The following GNG7 variants were observed in gnomAD, a reference collection of about 807,000 sequenced individuals.
The protein encoded by GNG7 is guanine nucleotide-binding protein G(I)/G(S)/G(O) subunit gamma-7.
Under a neutral mutation model 4.0 loss-of-function variants are expected in GNG7, and 1 was observed. The ratio of observed to expected loss-of-function variants is 0.25; its 90% CI spans 0.09 to 1.18. The LOEUF (loss-of-function observed/expected upper bound fraction) is 1.18, where lower values mean the gene tolerates loss of function less well. Among genes scored for constraint, GNG7 ranks in the 50% most tolerant of loss-of-function variants. The probability of loss-of-function intolerance (pLI) is 0.50; values close to 1 mark genes in which losing one functional copy is unlikely to be tolerated. For missense variants in GNG7, 86 were observed against 91.9 expected (o/e 0.94, Z 0.26); for synonymous variants, 34 against 36.9 (o/e 0.92, Z 0.29).
intron 2 of GNG7, among the ~76,000 whole-genome samples, chr19:2,568,161 A>G (rs112844821): frequency 7.3e-6 from 1 of 137,762 alleles, no homozygotes; most frequent in Non-Finnish European, 1.5e-5. Flanking sequence ...ACACATACAC[A>G]TACATACACA....
Position 2,515,143 on chromosome 19 carries a change from G to C in GNG7, c.86C>G (p.Ser29Cys). The C allele has an allele frequency of 6.2e-7, 1 of 1,613,854 alleles. No homozygotes were observed. ...GCTCATGAGGTCAGACGCCGCTTTG[G>C]AGACCTGTGTTTGAGCACAAGGAGG... Reference protein sequence around the residue: ...IEAGIERIKVSKAASDLMSYC... With the variant: ...IEAGIERIKVCKAASDLMSYC... Residue 29 changes from serine (S) to cysteine (C), a missense_variant, in exon 5 of 5, where the codon TCC (serine) becomes TGC (cysteine). Physicochemically the swap from Ser to Cys is moderately radical, Grantham distance 112. Coordinates refer to ENST00000382159, the MANE Select transcript of GNG7 (RefSeq NM_052847.3).
chr19:2,699,400 C>T (rs1488387253), intron 1 of GNG7, among the ~76,000 whole-genome samples: 2 of 152,130 alleles, frequency 1.3e-5, no homozygotes, highest in Admixed American at 6.5e-5. Flanking sequence ...CCACCCACTT[C>T]GGCCTCCCAA....
chr19:2,516,317 C>T (rs185685740), intron 4 of GNG7, among the ~76,000 whole-genome samples: 29 of 152,022 alleles, frequency 1.9e-4, no homozygotes, highest in African/African-American at 1.9e-4. Flanking sequence ...TCTTGCTCCC[C>T]GGGTTCAAGC....
chr19:2,586,488 C>T lies in GNG7; in HGVS notation c.-77-31300G>A, dbSNP rs1599406702. ...CGGGCCCAGACAAGCTGCTGGTGAC[C>T]TCGGTCCCCCAAGAGCTCAGCTGAG... On this transcript the variant is annotated intron_variant, in intron 2 of 4. Transcript: ENST00000382159. 3.3e-5 allele frequency among the ~76,000 whole-genome samples: 5 copies of T among 152,284 alleles called. No homozygotes were observed. The South Asian group carries it at 1.0e-3, about 32-fold the overall frequency.
chr19:2,659,415 C>G (rs1252461129), intron 1 of GNG7, among the ~76,000 whole-genome samples: 5 of 150,522 alleles, frequency 3.3e-5, no homozygotes, highest in Admixed American at 1.3e-4. Flanking sequence ...CATGGCAAAA[C>G]TCCATCTCTA....
intron 2 of GNG7, among the ~76,000 whole-genome samples, chr19:2,604,464 C>T (rs570051812): frequency 8.2e-6 from 1 of 121,578 alleles, no homozygotes; most frequent in African/African-American, 3.4e-5. Flanking sequence ...GAGCAAGACC[C>T]TGCTTCAAAA....
intron 2 of GNG7, chr19:2,630,684 A>G (rs1472963002): frequency 6.6e-6 from 1 of 151,810 alleles, no homozygotes; most frequent in Non-Finnish European, 1.5e-5. Flanking sequence ...AAACCTTCGG[A>G]TGAGAATGCA....
intron 2 of GNG7, among the ~76,000 whole-genome samples, chr19:2,603,681 C>CTG (rs1981284092): frequency 6.6e-6 from 1 of 152,162 alleles, no homozygotes; most frequent in Non-Finnish European, 1.5e-5. Context: ...GAAGCCCCTG[C>CTG]AGCTAGGAGG....
Position 2,609,876 on chromosome 19 carries a change from G to A in GNG7, c.-78+36348C>T, listed in dbSNP as rs1479248431. On this transcript the variant is annotated intron_variant, in intron 2 of 4. Coordinates refer to ENST00000382159, the MANE Select transcript of GNG7 (RefSeq NM_052847.3). This position sits in a 1 kb window ranked among gnomAD's most constrained non-coding sequence, Gnocchi z 4.4. Reference sequence around the variant, plus strand: ...CCAGTGAACTCAGTGCACTTCTGGAGCTCCCTGACCACGAGTGAGGAAATT... The same window carrying A: ...CCAGTGAACTCAGTGCACTTCTGGAACTCCCTGACCACGAGTGAGGAAATT... Among the ~76,000 whole-genome samples the A allele has an allele frequency of 1.3e-5, 2 of 152,136 alleles. No homozygotes were observed. Among genetic ancestry groups the A allele is most frequent in the Non-Finnish European group, 2.9e-5 (2 of 68,024 alleles).
intron 2 of GNG7, among the ~76,000 whole-genome samples, chr19:2,568,401 C>CAT (rs1555694497): frequency 0.45 from 67,422 of 150,744 alleles, 15,283 homozygotes; most frequent in Admixed American, 0.55. Context: ...CACAAACACA[C>CAT]ACACATATAC....
At position 2,636,823 on chromosome 19, in the gene GNG7, G is replaced by T. The variant is rs548141025; in HGVS notation, c.-78+9401C>A. Reference sequence around the variant, plus strand: ...GGGGGTAGTGACAGAGCTTAAAGAGGGGCTCGGGGGTGACTGAAGACATCT... The same window carrying T: ...GGGGGTAGTGACAGAGCTTAAAGAGTGGCTCGGGGGTGACTGAAGACATCT... On this transcript the variant is annotated intron_variant, in intron 2 of 4. Transcript: ENST00000382159. Among the ~76,000 whole-genome samples, 9 of 152,176 alleles carry T rather than the reference G, an allele frequency of 5.9e-5. No homozygotes were observed. The South Asian group carries it at 1.9e-3, about 32-fold the overall frequency.
chr19:2,640,519 T>C (rs1469498937), intron 2 of GNG7, among the ~76,000 whole-genome samples: 1 of 152,156 alleles, frequency 6.6e-6, no homozygotes, highest in East Asian at 1.9e-4. Flanking sequence ...GTGAATGTAA[T>C]TCACGAAAAT....
chr19:2,515,648 G>A (rs1056392532), intron 4 of GNG7, among the ~76,000 whole-genome samples: 1 of 151,686 alleles, frequency 6.6e-6, no homozygotes, highest in African/African-American at 2.4e-5. Flanking sequence ...GGCTGGTCTC[G>A]AACTCCTGAC....
chr19:2,585,903 T>C (rs972610580), intron 2 of GNG7, among the ~76,000 whole-genome samples: 8 of 152,278 alleles, frequency 5.3e-5, no homozygotes, highest in East Asian at 1.9e-4. Context: ...GGTTTCACCA[T>C]GTTGGCCAGG....
chr19:2,673,736 G>T (rs1012481001), intron 1 of GNG7, among the ~76,000 whole-genome samples: 16 of 151,492 alleles, frequency 1.1e-4, no homozygotes, highest in Non-Finnish European at 2.1e-4. Context: ...AAAATAAAAT[G>T]TAAATAAAGT....
intron 3 of GNG7, among the ~76,000 whole-genome samples, chr19:2,553,500 A>G (rs933735079): frequency 1.4e-4 from 20 of 147,818 alleles, no homozygotes; most frequent in African/African-American, 4.9e-4. Context: ...TTTTATATGT[A>G]CATCTCATTA....
intron 1 of GNG7, among the ~76,000 whole-genome samples, chr19:2,699,429 G>A (rs374744280): frequency 1.3e-5 from 2 of 152,094 alleles, no homozygotes; most frequent in Non-Finnish European, 2.9e-5. Context: ...GATTACAGGC[G>A]TGAGCCACCG....
chr19:2,534,311 A>C (rs1187722588), intron 3 of GNG7, among the ~76,000 whole-genome samples: 1 of 151,554 alleles, frequency 6.6e-6, no homozygotes, highest in Non-Finnish European at 1.5e-5. Context: ...CCTCCGCTCC[A>C]CTCCCCACTC....
rs368000455 is a variant in GNG7, at chr19:2,553,611, T to C, written c.-38+1538A>G. Among the ~76,000 whole-genome samples the C allele has an allele frequency of 2.0e-5, 3 of 148,558 alleles. 1 individual carries two copies. Among genetic ancestry groups the C allele is most frequent in the Non-Finnish European group, 4.5e-5 (3 of 67,218 alleles). On this transcript the variant is annotated intron_variant, in intron 3 of 4. Coordinates refer to ENST00000382159, the MANE Select transcript of GNG7 (RefSeq NM_052847.3). ...CGCACATATTACATGCAATATATCA[T>C]ACTACATACATGCACACGTTACATG...
Sources: gnomAD v4.1 joint callset for allele counts (sites outside exome capture counted in the v4.1 genomes callset) on GRCh38, gnomAD v4.1.1 for gene constraint, Gnocchi (gnomAD v3.1) non-coding constraint, MANE v1.5 for transcripts, NCBI Gene and HGNC (gene_info 2026-07-23, HGNC 2026-07-21) for gene names.